CTNNA2: variants seen among roughly 807,000 people sequenced by gnomAD.
The protein encoded by CTNNA2 is catenin alpha 2.
A neutral mutation model predicts 101.0 loss-of-function variants in CTNNA2; 42 were observed. The ratio of observed to expected loss-of-function variants is 0.42; its 90% CI spans 0.32 to 0.54. The LOEUF (loss-of-function observed/expected upper bound fraction) is 0.54, where lower values mean the gene tolerates loss of function less well. Among genes scored for constraint, CTNNA2 ranks in the 20% least tolerant of loss-of-function variants. CTNNA2 has a pLI of 0.14. For synonymous variants in CTNNA2, 450 were observed against 456.4 expected (o/e 0.99, Z 0.18); for missense variants, 871 against 1,223.1 (o/e 0.71, Z 4.29).
chr2:79,607,542 C>T (rs1297251795), intron 1 of CTNNA2, among the ~76,000 whole-genome samples: 1 of 151,968 alleles, frequency 6.6e-6, no homozygotes, highest in Non-Finnish European at 1.5e-5. Flanking sequence ...TAATTTAAGG[C>T]ATAAACTGGT....
At chr2:80,358,129 T>A (rs1674021261) in intron 7 of CTNNA2, among the ~76,000 whole-genome samples, 1 of 152,106 alleles carries the variant, frequency 6.6e-6, no homozygotes, top group Admixed American at 6.6e-5. Context: ...AAGGATACTA[T>A]GAGTACCTAT....
At chr2:80,620,954 C>A (rs146396281) in intron 18 of CTNNA2, among the ~76,000 whole-genome samples, 136 of 151,996 alleles carry the variant, frequency 8.9e-4, no homozygotes, top group African/African-American at 3.1e-3. Flanking sequence ...GTGCATGTTT[C>A]ATTTATAGTG....
chr2:79,668,295 C>T (rs1222338718), intron 2 of CTNNA2, among the ~76,000 whole-genome samples: 1 of 146,524 alleles, frequency 6.8e-6, no homozygotes, highest in African/African-American at 2.5e-5. Context: ...TTTCTCTTCT[C>T]TGTCATTTTG....
chr2:79,462,116 TG>T (rs1301013117), intron 4 of CTNNA2, among the ~76,000 whole-genome samples: 1 of 152,142 alleles, frequency 6.6e-6, no homozygotes, highest in Admixed American at 6.5e-5. Context: ...CAAACTTTTC[TG>T]TAATGAAAAT....
At chr2:80,231,066 G>C (rs577950495) in intron 7 of CTNNA2, among the ~76,000 whole-genome samples, 1 of 152,168 alleles carries the variant, frequency 6.6e-6, no homozygotes, top group African/African-American at 2.4e-5. Context: ...CCATCTCCCA[G>C]GTTCAAGTGA....
At chr2:80,174,003 A>G (rs373262531) in intron 7 of CTNNA2, among the ~76,000 whole-genome samples, 89 of 152,350 alleles carry the variant, frequency 5.8e-4, no homozygotes, top group African/African-American at 1.9e-3. Context: ...TAAAGGATCC[A>G]TTCCACTATT....
At chr2:79,233,400 A>T (rs1353982407) in intron 2 of CTNNA2, among the ~76,000 whole-genome samples, 1 of 152,108 alleles carries the variant, frequency 6.6e-6, no homozygotes, top group Non-Finnish European at 1.5e-5. Context: ...TTTTTATTGC[A>T]CTGTGTTCCA....
At position 80,544,918 on chromosome 2, in the gene CTNNA2, C is replaced by T. The variant is rs191548489; in HGVS notation, c.1291-64C>T. The T allele has an allele frequency of 4.0e-3, 5,558 of 1,375,428 alleles. 19 individuals carry two copies. Among genetic ancestry groups the T allele is most frequent in the Non-Finnish European group, 5.0e-3 (4,902 of 985,796 alleles). The allele number at this position is 1,375,428 out of a possible 1,614,324, so 85.2% of individuals were successfully genotyped here. The stretch of plus-strand genomic sequence containing the variant: ...GACATCTGCCAGAGAAGGTCCAAGG[C>T]GGAGCAACAGTATACTTTCCCTTTG... On this transcript the variant is annotated intron_variant, in intron 9 of 18. Coordinates refer to ENST00000402739, the MANE Select transcript of CTNNA2 (RefSeq NM_001282597.3).
intron 9 of CTNNA2, among the ~76,000 whole-genome samples, chr2:80,540,971 G>C (rs554324608): frequency 1.3e-5 from 2 of 152,214 alleles, no homozygotes; most frequent in Non-Finnish European, 2.9e-5. Context: ...TTATAGGCGT[G>C]AGCCACTGCA....
At chr2:80,035,876 C>G (rs989144156) in intron 7 of CTNNA2, among the ~76,000 whole-genome samples, 1 of 152,168 alleles carries the variant, frequency 6.6e-6, no homozygotes, top group African/African-American at 2.4e-5. Flanking sequence ...AACTGGGTAG[C>G]AACCAGCATG....
chr2:79,591,982 C>T (rs1676886770), intron 1 of CTNNA2, among the ~76,000 whole-genome samples: 1 of 148,226 alleles, frequency 6.7e-6, no homozygotes, highest in Non-Finnish European at 1.5e-5. Flanking sequence ...CCAAAGGATG[C>T]TTATTTGAGA....
chr2:79,567,961 A>G (rs914812957), intron 1 of CTNNA2, among the ~76,000 whole-genome samples: 3 of 152,160 alleles, frequency 2.0e-5, no homozygotes, highest in African/African-American at 7.2e-5. Flanking sequence ...CAGACTTGGC[A>G]GGGCAGAAGG....
At chr2:79,232,760 A>G (rs143561572) in intron 2 of CTNNA2, among the ~76,000 whole-genome samples, 33 of 152,190 alleles carry the variant, frequency 2.2e-4, no homozygotes, top group Non-Finnish European at 4.3e-4. Context: ...TTCTGATTCA[A>G]TCTTGGGAAG....
At chr2:79,385,706 C>A (rs6733863) in intron 4 of CTNNA2, among the ~76,000 whole-genome samples, 1 of 151,878 alleles carries the variant, frequency 6.6e-6, no homozygotes, top group Non-Finnish European at 1.5e-5. Context: ...CCAACAGGCC[C>A]GGGTGTGTGA....
chr2:79,680,310 A>G (rs1292231210), intron 2 of CTNNA2, among the ~76,000 whole-genome samples: 1 of 151,938 alleles, frequency 6.6e-6, no homozygotes, highest in Non-Finnish European at 1.5e-5. Context: ...CTTGAATGTT[A>G]TTTTTAGTTT....
At position 80,377,350 on chromosome 2, in the gene CTNNA2, T is replaced by A. The variant is rs1483040202; in HGVS notation, c.1057-15861T>A. Among the ~76,000 whole-genome samples, 4 of 152,204 alleles carry A rather than the reference T, an allele frequency of 2.6e-5. No individual in the cohort carries two copies. In the East Asian group the frequency reaches 7.7e-4, roughly 29 times the overall value. ...AAAAGATCAGGGTAAGGAATTTGCT[T>A]ATTGGATACCATTTTCATGCTAGAC... On this transcript the variant is annotated intron_variant, in intron 7 of 18. Transcript: ENST00000402739.
intron 7 of CTNNA2, among the ~76,000 whole-genome samples, chr2:80,033,015 G>A (rs1331307634): frequency 6.6e-6 from 1 of 151,924 alleles, no homozygotes; most frequent in Non-Finnish European, 1.5e-5. Flanking sequence ...ACTGGGCATG[G>A]TGGTGGGCGC....
Position 80,560,422 on chromosome 2 carries a change from A to G in CTNNA2, c.1741+4529A>G, listed in dbSNP as rs116348080. On this transcript the variant is annotated intron_variant, in intron 12 of 18. Coordinates refer to ENST00000402739, the MANE Select transcript of CTNNA2 (RefSeq NM_001282597.3). ...AACTAACTGTGACCTTAAACAAATC[A>G]GTTAGTGCCTCTGGGACTTGGGTTT... Among the ~76,000 whole-genome samples, 864 of 152,262 alleles carry G rather than the reference A, an allele frequency of 5.7e-3. 5 individuals carry two copies. Among genetic ancestry groups the G allele is most frequent in the African/African-American group, 0.02 (819 of 41,532 alleles).
intron 18 of CTNNA2, among the ~76,000 whole-genome samples, chr2:80,637,004 C>A (rs552497955): frequency 1.3e-5 from 2 of 152,132 alleles, no homozygotes; most frequent in Non-Finnish European, 2.9e-5. Flanking sequence ...ATCCCTAAAA[C>A]TGTAATATTC....
Sources: allele counts gnomAD v4.1 joint callset (sites outside exome capture counted in the v4.1 genomes callset), GRCh38; gene constraint gnomAD v4.1.1; transcripts MANE v1.5; gene names NCBI Gene and HGNC (gene_info 2026-07-23, HGNC 2026-07-21).